The following TMBIM6 variants were observed in gnomAD, a reference collection of about 807,000 sequenced individuals.
The protein encoded by TMBIM6 is bax inhibitor 1.
TMBIM6 carries 13 observed loss-of-function variants against 31.4 expected under a neutral mutation model. The observed-to-expected ratio is 0.41, with a 90% CI of 0.27 to 0.66. The LOEUF (loss-of-function observed/expected upper bound fraction) is 0.66, where lower values mean the gene tolerates loss of function less well. Ranked by LOEUF, TMBIM6 falls within the 30% of genes least tolerant of loss-of-function variation. The pLI is 0.28. For synonymous variants in TMBIM6, 85 were observed against 101.7 expected (o/e 0.84, Z 0.99); for missense variants, 275 against 289.5 (o/e 0.95, Z 0.36).
chr12:49,759,114 G>A, intron 7 of TMBIM6, 107 bp from the exon 8 acceptor site: 1 of 944,454 alleles, frequency 1.1e-6, no homozygotes, highest in Non-Finnish European at 1.7e-6. Context: ...TGTTCATAGG[G>A]TTCACATTTG....
At chr12:49,751,563 G>A (rs1945494536) in intron 1 of TMBIM6, among the ~76,000 whole-genome samples, 1 of 151,906 alleles carries the variant, frequency 6.6e-6, no homozygotes, top group Admixed American at 6.6e-5. Flanking sequence ...TTTTTATGGA[G>A]GTAGGAACCT....
intron 1 of TMBIM6, among the ~76,000 whole-genome samples, chr12:49,746,383 G>C (rs1945394635): frequency 2.0e-5 from 3 of 152,010 alleles, no homozygotes; most frequent in Admixed American, 2.0e-4. Flanking sequence ...ACTTTTAAAA[G>C]AGAATAATCT....
intron 4 of TMBIM6, among the ~76,000 whole-genome samples, chr12:49,756,416 GAGCCA>G (rs1195983809): frequency 6.8e-6 from 1 of 147,838 alleles, no homozygotes; most frequent in East Asian, 2.0e-4. Context: ...TGACAGGCGT[GAGCCA>G]TAGTACCCTG....
At chr12:49,758,846 T>G in intron 7 of TMBIM6, 84 bp downstream of exon 7, 1 of 1,197,004 alleles carries the variant, frequency 8.4e-7, no homozygotes, top group Non-Finnish European at 1.2e-6. Flanking sequence ...CACTTCTTTC[T>G]GTACTACTTT....
At chr12:49,759,566 A>G (rs916396065) in intron 8 of TMBIM6, among the ~76,000 whole-genome samples, 12 of 152,132 alleles carry the variant, frequency 7.9e-5, no homozygotes, top group African/African-American at 2.9e-4. Flanking sequence ...GCACTTTGGG[A>G]GGCTGAGGCC....
chr12:49,750,425 C>G (rs1380444662), intron 1 of TMBIM6, among the ~76,000 whole-genome samples: 1 of 152,188 alleles, frequency 6.6e-6, no homozygotes, highest in Non-Finnish European at 1.5e-5. Flanking sequence ...TAAGTGCTGT[C>G]TAGGGATGTC....
At chr12:49,746,909 C>T (rs1945405932) in intron 1 of TMBIM6, among the ~76,000 whole-genome samples, 2 of 152,182 alleles carry the variant, frequency 1.3e-5, no homozygotes, top group Middle Eastern at 3.4e-3. Flanking sequence ...AATCTCGGCT[C>T]ACTGCAAACT....
chr12:49,756,322 G>C (rs1271671795), intron 4 of TMBIM6, among the ~76,000 whole-genome samples: 1 of 151,446 alleles, frequency 6.6e-6, no homozygotes, highest in African/African-American at 2.4e-5. Flanking sequence ...TTTTAGTAGA[G>C]ATGGGGTTTT....
chr12:49,759,589 G>C (rs867479071), intron 8 of TMBIM6, among the ~76,000 whole-genome samples: 72 of 152,186 alleles, frequency 4.7e-4, no homozygotes, highest in African/African-American at 1.6e-3. Context: ...TGGATCGCTT[G>C]AGCTCAGAAG....
chr12:49,756,725 CT>C (rs529541476), intron 4 of TMBIM6, among the ~76,000 whole-genome samples: 1 of 147,810 alleles, frequency 6.8e-6, no homozygotes. Flanking sequence ...ACACCCAGCG[CT>C]TTTTTTTGTT....
At chr12:49,742,194 C>T in intron 1 of TMBIM6, 1 of 1,613,034 alleles carries the variant, frequency 6.2e-7, no homozygotes, top group Non-Finnish European at 8.5e-7. Flanking sequence ...ACGGCAGAGG[C>T]GGGAAGTGAG....
rs1945790278 is a variant in TMBIM6 at position 49,764,886 on chromosome 12, A to G, written c.*1990A>G. 3 of 152,190 alleles carry G rather than the reference A, an allele frequency of 2.0e-5. No individual in the cohort carries two copies. The South Asian group carries it at 6.2e-4, about 31-fold the overall frequency. 9.4% of individuals were successfully genotyped at this position (152,190 alleles called of 1,614,324 possible). On this transcript the variant is annotated 3_prime_UTR_variant, in exon 10 of 10. Coordinates refer to ENST00000267115, the MANE Select transcript of TMBIM6 (RefSeq NM_003217.3). ...TGTTTTTGATTCAGAAATATATGAA[A>G]TCTGCATAGTCTTAATTTGTAAAAA...
chr12:49,759,309 A>G lies in TMBIM6; in HGVS notation c.602A>G (p.Gln201Arg). The G allele has an allele frequency of 6.2e-7, 1 of 1,613,830 alleles. No homozygotes were observed. Among genetic ancestry groups the G allele is most frequent in the Admixed American group, 1.7e-5 (1 of 60,014 alleles). Residue 201 changes from glutamine (Q) to arginine (R), a missense_variant, in exon 8 of 10, where the codon CAA becomes CGA. Coordinates refer to ENST00000267115, the MANE Select transcript of TMBIM6 (RefSeq NM_003217.3). ...LIIEKAEHGD[Q>R]DYIWHCIDLF... is the part of the protein sequence containing the mutation. ...ATTGAAAAGGCCGAACATGGAGATC[A>G]AGATTATATCTGGTGAGTGTGGGAA...
Position 49,761,692 on chromosome 12 carries a change from C to CT in TMBIM6, c.615-10dup. The CT allele has an allele frequency of 6.2e-7, 1 of 1,613,350 alleles. No homozygotes were observed. The highest frequency in any genetic ancestry group is 8.5e-7 in the Non-Finnish European group (1 of 1,179,370). On this transcript the variant is annotated splice_polypyrimidine_tract_variant and intron_variant, in intron 8 of 9. Transcript: ENST00000267115. ...CTGAAGTACAGATCCTAATCTGGTTCTTGCCTTTCAGGCACTGCATTGATC... is the reference window on the plus strand; with the variant it reads ...CTGAAGTACAGATCCTAATCTGGTTCTTTGCCTTTCAGGCACTGCATTGATC...
intron 8 of TMBIM6, 93 bp from the exon 9 acceptor site, chr12:49,761,611 G>C (rs1945720455): frequency 8.8e-7 from 1 of 1,130,888 alleles, no homozygotes; most frequent in Non-Finnish European, 1.3e-6. Flanking sequence ...GCTGGCTCGT[G>C]GGGGTAGGGG....
chr12:49,745,326 A>G (rs1449446773), intron 1 of TMBIM6, among the ~76,000 whole-genome samples: 1 of 152,224 alleles, frequency 6.6e-6, no homozygotes, highest in Non-Finnish European at 1.5e-5. Context: ...GCTAGAAGAA[A>G]GGTATGCCAT....
rs1945575009 is a variant in TMBIM6, at chr12:49,755,628, C to CTA, written c.166-6_166-5dup. On this transcript the variant is annotated splice_polypyrimidine_tract_variant and splice_region_variant and intron_variant, in intron 3 of 9. Transcript: ENST00000267115. Reference sequence around the variant, plus strand: ...GTTTAATGATTGATTGATTCTGACTCTAACAGGCTGGCCTGCTGTCTGCCT... The same window carrying CTA: ...GTTTAATGATTGATTGATTCTGACTCTATAACAGGCTGGCCTGCTGTCTGCCT... 1 of 1,612,882 alleles carries CTA rather than the reference C, an allele frequency of 6.2e-7. No homozygotes were observed. The highest frequency in any genetic ancestry group is 1.3e-5 in the African/African-American group (1 of 74,986).
At chr12:49,760,569 C>T (rs532352155) in intron 8 of TMBIM6, among the ~76,000 whole-genome samples, 1,013 of 76,538 alleles carry the variant, frequency 0.013, 12 homozygotes, top group African/African-American at 0.044. Flanking sequence ...GACAGTTTTG[C>T]TTTGTCACCC....
chr12:49,761,374 C>T (rs573128359), intron 8 of TMBIM6, among the ~76,000 whole-genome samples: 71 of 152,088 alleles, frequency 4.7e-4, no homozygotes, highest in Non-Finnish European at 8.8e-4. Context: ...CCACAATGCC[C>T]TGCTAATTTT....
Sources: allele counts gnomAD v4.1 joint callset (sites outside exome capture counted in the v4.1 genomes callset), GRCh38; gene constraint gnomAD v4.1.1; transcripts MANE v1.5; gene names NCBI Gene and HGNC (gene_info 2026-07-23, HGNC 2026-07-21).